The following HSDL2 variants were observed in gnomAD, a reference collection of about 807,000 sequenced individuals.
The protein encoded by HSDL2 is hydroxysteroid dehydrogenase-like protein 2.
HSDL2 carries 27 observed loss-of-function variants against 46.3 expected under a neutral mutation model. That is an observed-to-expected ratio of 0.58 (90% CI 0.43 to 0.80). The LOEUF (loss-of-function observed/expected upper bound fraction) is 0.80. Among genes scored for constraint, HSDL2 ranks in the 30% least tolerant of loss-of-function variants. The pLI is 0.00. For synonymous variants in HSDL2, 153 were observed against 163.6 expected, an observed-to-expected ratio of 0.94 and a Z score of 0.50; for missense variants, 451 against 502.7, an observed-to-expected ratio of 0.90 and a Z score of 0.98.
intron 6 of HSDL2, among the ~76,000 whole-genome samples, chr9:112,431,051 C>CAAAA (rs57414181): frequency 1.0e-5 from 1 of 95,638 alleles, no homozygotes; most frequent in African/African-American, 3.9e-5. Flanking sequence ...GATTCCAACT[C>CAAAA]AAAAAAAAAA....
chr9:112,404,143 A>G lies in HSDL2; in HGVS notation c.166A>G (p.Thr56Ala). 1 of 1,613,974 alleles carries G rather than the reference A, an allele frequency of 6.2e-7. No individual in the cohort carries two copies. The highest frequency in any genetic ancestry group is 8.5e-7 in the Non-Finnish European group (1 of 1,179,918). Reference protein sequence around the residue: ...PHPKLLGTIYTAAEEIEAVGG... With the variant: ...PHPKLLGTIYAAAEEIEAVGG... ...TCCAAAACTTCTAGGCACAATCTAT[A>G]CTGCTGCTGAAGAAAGTGAGTGTGA... Residue 56 changes from threonine to alanine, a missense_variant, in exon 2 of 11, where the codon ACT (threonine) becomes GCT (alanine). By Grantham distance (58) the Thr-to-Ala change is moderately conservative. Transcript: ENST00000398805.
chr9:112,391,080 G>T (rs1831332701), intron 1 of HSDL2, among the ~76,000 whole-genome samples: 1 of 151,914 alleles, frequency 6.6e-6, no homozygotes, highest in Non-Finnish European at 1.5e-5. Flanking sequence ...GGAGGCTGAG[G>T]CAGGAGAATC....
chr9:112,396,950 T>C lies in HSDL2; in HGVS notation c.18-7045T>C, dbSNP rs114170980. ...TGAGTCTGAGGTGTCCCATTTCATA[T>C]TGGGGCCTGAGACTGGCCCCGCTTC... On this transcript the variant is annotated intron_variant, in intron 1 of 10. Coordinates refer to ENST00000398805, the MANE Select transcript of HSDL2 (RefSeq NM_032303.5). Among the ~76,000 whole-genome samples, 613 of 152,244 alleles carry C rather than the reference T, an allele frequency of 4.0e-3. 2 individuals carry two copies. The highest frequency in any genetic ancestry group is 0.014 in the African/African-American group (577 of 41,572).
chr9:112,436,960 C>CTTTTTTTTTTTTTTTTTTTTTTTTTT (rs780957603), intron 6 of HSDL2, among the ~76,000 whole-genome samples: 16 of 126,782 alleles, frequency 1.3e-4, no homozygotes, highest in South Asian at 5.0e-4. Flanking sequence ...TTCTTTTTTT[C>CTTTTTTTTTTTTTTTTTTTTTTTTTT]TTTTTTTTTT....
rs1201306553 is a variant in HSDL2, at chr9:112,471,056, A to G, written c.*512A>G. 2 of 152,256 alleles carry G rather than the reference A, an allele frequency of 1.3e-5. No individual in the cohort carries two copies. 9.4% of individuals were successfully genotyped at this position (152,256 alleles called of 1,614,324 possible). A position where few individuals can be genotyped will look rare whatever the true frequency, so the allele number is the denominator to read the frequency against. On this transcript the variant is annotated 3_prime_UTR_variant, in exon 11 of 11. Transcript: ENST00000398805. The stretch of plus-strand genomic sequence containing the variant: ...TTAGTACTGGCGAGGACTAAATGAA[A>G]CAATAATTTTTCATTTTGATAACTA...
chr9:112,406,624 C>T (rs913039351), intron 3 of HSDL2, among the ~76,000 whole-genome samples: 2 of 152,056 alleles, frequency 1.3e-5, no homozygotes, highest in African/African-American at 4.8e-5. Context: ...GCGCCTGCCA[C>T]CATGCCCAGC....
intron 1 of HSDL2, among the ~76,000 whole-genome samples, chr9:112,383,523 G>C (rs1429909752): frequency 6.6e-6 from 1 of 152,034 alleles, no homozygotes; most frequent in Non-Finnish European, 1.5e-5. Context: ...AAGCCCACTT[G>C]ATTTTTCTTC....
chr9:112,382,197 T>C (rs1312958377), intron 1 of HSDL2, among the ~76,000 whole-genome samples: 8 of 152,124 alleles, frequency 5.3e-5, no homozygotes, highest in Non-Finnish European at 1.2e-4. Context: ...GAGGCGGAGG[T>C]GGCAGTGAGC....
At chr9:112,431,447 A>G (rs1289356571) in intron 6 of HSDL2, among the ~76,000 whole-genome samples, 1 of 152,172 alleles carries the variant, frequency 6.6e-6, no homozygotes, top group Non-Finnish European at 1.5e-5. Flanking sequence ...TGAAAGGAAG[A>G]TGAAAGAGGA....
chr9:112,381,614 A>G (rs944033586), intron 1 of HSDL2, among the ~76,000 whole-genome samples: 2 of 152,034 alleles, frequency 1.3e-5, no homozygotes, highest in African/African-American at 2.4e-5. Context: ...TCGGCCTCCC[A>G]AAGTGCTGGG....
intron 1 of HSDL2, among the ~76,000 whole-genome samples, chr9:112,388,332 G>A (rs10981380): frequency 0.43 from 65,615 of 151,352 alleles, 14,507 homozygotes; most frequent in South Asian, 0.5. Flanking sequence ...GTTGTGGTGC[G>A]TGCCTGTAAT....
chr9:112,436,879 T>G (rs1587954369), intron 6 of HSDL2, among the ~76,000 whole-genome samples: 1 of 151,998 alleles, frequency 6.6e-6, no homozygotes, highest in East Asian at 1.9e-4. Context: ...ATGCAAACAT[T>G]AACAGCAGTT....
intron 1 of HSDL2, among the ~76,000 whole-genome samples, chr9:112,382,096 A>C (rs981275786): frequency 6.6e-6 from 1 of 152,158 alleles, no homozygotes; most frequent in Non-Finnish European, 1.5e-5. Flanking sequence ...AATTACAAAA[A>C]TTACAAATAC....
intron 8 of HSDL2, among the ~76,000 whole-genome samples, chr9:112,453,763 T>C (rs980200798): frequency 6.6e-6 from 1 of 152,178 alleles, no homozygotes; most frequent in Non-Finnish European, 1.5e-5. Flanking sequence ...GTAGTATTTT[T>C]TAACCTAATC....
chr9:112,383,893 A>C (rs1439981201), intron 1 of HSDL2, among the ~76,000 whole-genome samples: 2 of 151,976 alleles, frequency 1.3e-5, no homozygotes, highest in African/African-American at 4.8e-5. Context: ...TTTGTAGAGG[A>C]GTCTCACTTT....
intron 1 of HSDL2, among the ~76,000 whole-genome samples, chr9:112,399,511 G>A (rs897197709): frequency 2.6e-5 from 4 of 152,078 alleles, no homozygotes; most frequent in African/African-American, 9.7e-5. Context: ...AAATTTACCA[G>A]GGTGGAGTTT....
chr9:112,443,882 T>G (rs1832695121), intron 8 of HSDL2, among the ~76,000 whole-genome samples: 1 of 152,226 alleles, frequency 6.6e-6, no homozygotes, highest in African/African-American at 2.4e-5. Context: ...AGAATCATAG[T>G]CAGAAGGTCA....
At chr9:112,380,267 C>T in intron 1 of HSDL2, 87 bp downstream of exon 1, 1 of 1,376,578 alleles carries the variant, frequency 7.3e-7, no homozygotes, top group Non-Finnish European at 9.8e-7. Flanking sequence ...CCGGGCTGGC[C>T]GGCCCGGCTG....
intron 1 of HSDL2, among the ~76,000 whole-genome samples, chr9:112,399,918 T>C (rs1260255720): frequency 2.0e-5 from 3 of 152,332 alleles, no homozygotes; most frequent in Non-Finnish European, 2.9e-5. Context: ...ATCACAGTGG[T>C]CCTGAGGTGA....
Sources: allele counts gnomAD v4.1 joint callset (sites outside exome capture counted in the v4.1 genomes callset), GRCh38; gene constraint gnomAD v4.1.1; transcripts MANE v1.5; gene names NCBI Gene and HGNC (gene_info 2026-07-23, HGNC 2026-07-21).